HS3ST1: variants seen among roughly 807,000 people sequenced by gnomAD.
HS3ST1 encodes the protein heparan sulfate glucosamine 3-O-sulfotransferase 1.
In HS3ST1, 8 loss-of-function variants were observed where a neutral mutation model predicts 20.7. The observed-to-expected ratio is 0.39, with a 90% CI of 0.23 to 0.70. HS3ST1 has a LOEUF of 0.70. Among genes scored for constraint, HS3ST1 ranks in the 30% least tolerant of loss-of-function variants. HS3ST1 has a pLI of 0.46. For missense variants in HS3ST1, 436 were observed against 423.4 expected (o/e 1.03, Z -0.26); for synonymous variants, 205 against 190.4 (o/e 1.08, Z -0.63).
intron 1 of HS3ST1, among the ~76,000 whole-genome samples, chr4:11,410,632 C>T (rs2108884663): frequency 6.6e-6 from 1 of 152,224 alleles, no homozygotes; most frequent in Non-Finnish European, 1.5e-5. Flanking sequence ...GTGGCTTATG[C>T]CTGTAATCCC....
intron 1 of HS3ST1, among the ~76,000 whole-genome samples, chr4:11,427,229 G>A (rs765781499): frequency 2.6e-5 from 4 of 152,188 alleles, no homozygotes; most frequent in Non-Finnish European, 5.9e-5. Context: ...TCCTGCCTGT[G>A]CCAGGCTGCT....
rs534291604 is a variant in HS3ST1, at chr4:11,428,811, G to A, written c.-221C>T. On this transcript the variant is annotated 5_prime_UTR_variant, in exon 1 of 2. Coordinates refer to ENST00000002596, the MANE Select transcript of HS3ST1 (RefSeq NM_005114.4). Reference sequence around the variant, plus strand: ...GGTAGAGCAAGTTTCTGGATGGCCCGGGGCAGGCGGGCGGGGAGAAGGCGC... The same window carrying A: ...GGTAGAGCAAGTTTCTGGATGGCCCAGGGCAGGCGGGCGGGGAGAAGGCGC... 9.2e-5 allele frequency: 14 copies of A among 152,852 alleles called. 1 individual carries two copies. The South Asian group carries it at 2.9e-3, about 32-fold the overall frequency. The allele number at this position is 152,852 out of a possible 1,614,324, so 9.5% of individuals were successfully genotyped here. A position where few individuals can be genotyped will look rare whatever the true frequency, so the allele number is the denominator to read the frequency against.
chr4:11,409,026 C>T (rs2108883863), intron 1 of HS3ST1, among the ~76,000 whole-genome samples: 1 of 152,300 alleles, frequency 6.6e-6, no homozygotes. Flanking sequence ...TAGCCATGTG[C>T]CATCATCTTG....
At chr4:11,405,138 C>T (rs1367484282) in intron 1 of HS3ST1, among the ~76,000 whole-genome samples, 1 of 152,208 alleles carries the variant, frequency 6.6e-6, no homozygotes, top group African/African-American at 2.4e-5. Context: ...GACAGAATTT[C>T]TGTGAAGGCC....
intron 1 of HS3ST1, among the ~76,000 whole-genome samples, chr4:11,406,670 TTGGGCAG>T (rs920082645): frequency 2.6e-5 from 4 of 152,190 alleles, no homozygotes; most frequent in Admixed American, 1.3e-4. Flanking sequence ...ATGCTTCCCC[TTGGGCAG>T]TGGGGAGTGC....
chr4:11,401,469 C>T (rs571336490), intron 1 of HS3ST1, among the ~76,000 whole-genome samples: 117 of 152,060 alleles, frequency 7.7e-4, no homozygotes, highest in African/African-American at 2.6e-3. Flanking sequence ...CTCAGTCTCC[C>T]GAGTAGCTGA....
At chr4:11,409,112 A>G (rs1406313710) in intron 1 of HS3ST1, among the ~76,000 whole-genome samples, 1 of 152,238 alleles carries the variant, frequency 6.6e-6, no homozygotes, top group African/African-American at 2.4e-5. Context: ...GCCTGCAGGG[A>G]CTGAACTGAC....
chr4:11,403,730 T>A (rs1032543778), intron 1 of HS3ST1, among the ~76,000 whole-genome samples: 1 of 152,158 alleles, frequency 6.6e-6, no homozygotes, highest in African/African-American at 2.4e-5. Flanking sequence ...TAGTACAGGG[T>A]CAAACTTGCT....
Position 11,400,095 on chromosome 4 carries a change from C to T in HS3ST1, c.-90G>A, listed in dbSNP as rs1308174671. 7.7e-6 allele frequency: 11 copies of T among 1,427,376 alleles called. No homozygotes were observed. The highest frequency in any genetic ancestry group is 7.2e-5 in the African/African-American group (5 of 69,408). 88.4% of individuals were successfully genotyped at this position (1,427,376 alleles called of 1,614,324 possible). ...AGCCTCCTAGTCAGTGGCACATGGGCGTTTCAGGCCTTCAATTACTAGGGA... is the reference window on the plus strand; with the variant it reads ...AGCCTCCTAGTCAGTGGCACATGGGTGTTTCAGGCCTTCAATTACTAGGGA... On this transcript the variant is annotated 5_prime_UTR_variant, in exon 2 of 2. Coordinates refer to ENST00000002596, the MANE Select transcript of HS3ST1 (RefSeq NM_005114.4).
intron 1 of HS3ST1, among the ~76,000 whole-genome samples, chr4:11,421,033 C>A (rs879421210): frequency 6.6e-6 from 1 of 152,218 alleles, no homozygotes; most frequent in Admixed American, 6.5e-5. Context: ...ACATACTATA[C>A]TAAAACATTA....
At chr4:11,413,699 G>T (rs998290934) in intron 1 of HS3ST1, among the ~76,000 whole-genome samples, 6 of 152,076 alleles carry the variant, frequency 3.9e-5, no homozygotes, top group Admixed American at 2.6e-4. Flanking sequence ...AACAAAAACA[G>T]CCATGATCAC....
In HS3ST1 at chr4:11,396,802, CAT is replaced by C. The variant is rs1398636084; in HGVS notation, c.*2278_*2279del. 2.0e-5 allele frequency: 3 copies of C among 152,282 alleles called. No individual in the cohort carries two copies. Among genetic ancestry groups the C allele is most frequent in the South Asian group, 2.1e-4 (1 of 4,832 alleles). The allele number at this position is 152,282 out of a possible 1,614,324, so 9.4% of individuals were successfully genotyped here. On this transcript the variant is annotated 3_prime_UTR_variant, in exon 2 of 2. Coordinates refer to ENST00000002596, the MANE Select transcript of HS3ST1 (RefSeq NM_005114.4). ...ACGACTCTGCACCCCCAAATGAAAA[CAT>C]ATTGAATTTACATTCACTGATCATT...
upstream of HS3ST1, chr4:11,429,241 C>T (rs1459510714): frequency 6.6e-6 from 1 of 152,594 alleles, no homozygotes; most frequent in East Asian, 1.9e-4. Flanking sequence ...GGTGAGGCTG[C>T]TGGGATGGGT....
chr4:11,403,487 C>T (rs1718382918), intron 1 of HS3ST1, among the ~76,000 whole-genome samples: 1 of 152,216 alleles, frequency 6.6e-6, no homozygotes. Context: ...TTTCACACCC[C>T]AAGATGACTT....
chr4:11,401,348 A>ATTTTT (rs57710102), intron 1 of HS3ST1, among the ~76,000 whole-genome samples: 23 of 141,854 alleles, frequency 1.6e-4, no homozygotes, highest in African/African-American at 5.7e-4. Flanking sequence ...TGTCACCGCC[A>ATTTTT]TTTTTTTTTT....
At chr4:11,434,020 T>C (rs1360006785), upstream of HS3ST1, among the ~76,000 whole-genome samples, 1 of 152,200 alleles carries the variant, frequency 6.6e-6, no homozygotes, top group Non-Finnish European at 1.5e-5. Context: ...ACTGAAGTCC[T>C]CTAGAGTATG....
Position 11,399,655 on chromosome 4 carries a change from C to A in HS3ST1, c.351G>T (p.Val117=), listed in dbSNP as rs1190325434. ...ACGTGAAATACGCGGGGGTCTTCTCCACTGTGAGCTGGTGTGGCCAGGAGA... is the reference window on the plus strand; with the variant it reads ...ACGTGAAATACGCGGGGGTCTTCTCAACTGTGAGCTGGTGTGGCCAGGAGA... ...MPFSWPHQLT[V]EKTPAYFTSP... The change falls in exon 2 of 2, where the codon GTG becomes GTT. Residue 117 remains valine (V), a synonymous_variant. Transcript: ENST00000002596. This position sits in a 1 kb window ranked among gnomAD's most constrained non-coding sequence, Gnocchi z 5.1. 1.2e-6 allele frequency: 2 copies of A among 1,613,950 alleles called. No homozygotes were observed. The highest frequency in any genetic ancestry group is 8.5e-7 in the Non-Finnish European group (1 of 1,180,034).
At chr4:11,419,373 A>G (rs538350713) in intron 1 of HS3ST1, among the ~76,000 whole-genome samples, 6 of 152,294 alleles carry the variant, frequency 3.9e-5, no homozygotes, top group African/African-American at 1.2e-4. Flanking sequence ...AATATGATGC[A>G]TAAAATTTAG....
chr4:11,400,207 C>A, intron 1 of HS3ST1, 94 bp from the exon 2 acceptor site: 2 of 1,074,060 alleles, frequency 1.9e-6, no homozygotes, highest in Non-Finnish European at 2.5e-6. Context: ...GGCCTATATT[C>A]ACCTCCCCAG....
Sources: gnomAD v4.1 joint callset for allele counts (sites outside exome capture counted in the v4.1 genomes callset) on GRCh38, gnomAD v4.1.1 for gene constraint, Gnocchi (gnomAD v3.1) non-coding constraint, MANE v1.5 for transcripts, NCBI Gene and HGNC (gene_info 2026-07-23, HGNC 2026-07-21) for gene names.